The following LMBRD2 variants were observed in gnomAD, a reference collection of about 807,000 sequenced individuals.
The protein encoded by LMBRD2 is G protein-coupled receptor-associated protein LMBRD2.
A neutral mutation model predicts 94.4 loss-of-function variants in LMBRD2; 55 were observed. The observed-to-expected ratio is 0.58, with a 90% CI of 0.47 to 0.73. The LOEUF (loss-of-function observed/expected upper bound fraction) is 0.73, where lower values mean the gene tolerates loss of function less well. LMBRD2 is among the 30% of genes least tolerant of loss of function. The pLI is 0.00. For synonymous variants in LMBRD2, 246 were observed against 272.4 expected (o/e 0.90, Z 0.95); for missense variants, 640 against 831.9 (o/e 0.77, Z 2.84).
Position 36,108,000 on chromosome 5 carries a change from T to C in LMBRD2, c.1897+534A>G, listed in dbSNP as rs952832259. The stretch of plus-strand genomic sequence containing the variant: ...CACCTCCTAAATAGCTTCTGCATCA[T>C]GTCAGTGTGGGGTCAGTGATACAAA... On this transcript the variant is annotated intron_variant, in intron 16 of 17. Transcript: ENST00000296603. Among the ~76,000 whole-genome samples, 3 of 152,284 alleles carry C rather than the reference T, an allele frequency of 2.0e-5. No homozygotes were observed. The East Asian group carries it at 5.8e-4, about 29-fold the overall frequency.
At chr5:36,108,686 C>T (rs1363896192) in intron 15 of LMBRD2, 47 bp from the exon 16 acceptor site, 5 of 860,822 alleles carry the variant, frequency 5.8e-6, no homozygotes, top group Non-Finnish European at 8.8e-6. Context: ...GAAAATAATT[C>T]ATTAATGTCA....
chr5:36,110,126 T>C (rs1743569867), intron 14 of LMBRD2, 135 bp from the exon 15 acceptor site: 1 of 660,516 alleles, frequency 1.5e-6, no homozygotes, highest in African/African-American at 1.8e-5. Flanking sequence ...AGGTTATTGC[T>C]GGAAGGAATT....
intron 3 of LMBRD2, among the ~76,000 whole-genome samples, chr5:36,141,929 A>G (rs1413289862): frequency 1.3e-5 from 2 of 152,232 alleles, no homozygotes; most frequent in Non-Finnish European, 2.9e-5. Flanking sequence ...AAAAATATGC[A>G]TAAAGAAGCA....
In LMBRD2 at chr5:36,126,480, T is replaced by C. The variant is rs868688548; in HGVS notation, c.748-2215A>G. Among the ~76,000 whole-genome samples, 6 of 152,190 alleles carry C rather than the reference T, an allele frequency of 3.9e-5. No homozygotes were observed. In the South Asian group the frequency reaches 1.2e-3, roughly 31 times the overall value. ...AACTTTGAGCTCTTTCATTACTGTG[T>C]CTTGTCAAATTCTTTTCTAAGCAGG... On this transcript the variant is annotated intron_variant, in intron 6 of 17. Coordinates refer to ENST00000296603, the MANE Select transcript of LMBRD2 (RefSeq NM_001007527.2).
intron 6 of LMBRD2, among the ~76,000 whole-genome samples, chr5:36,131,475 G>A (rs888180475): frequency 6.6e-6 from 1 of 152,036 alleles, no homozygotes; most frequent in African/African-American, 2.4e-5. Context: ...AGTACTGGAA[G>A]TCCTAGGTAA....
rs540480822 is a variant in LMBRD2, at chr5:36,149,134, C to A, written c.-58+2422G>T. On this transcript the variant is annotated intron_variant, in intron 1 of 17. Transcript: ENST00000296603. ...TACTTAGTTCCAAGCACCATTCATT[C>A]ATTTAGCAAATATTTACTGAACGCC... 1.1e-3 allele frequency among the ~76,000 whole-genome samples: 162 copies of A among 152,288 alleles called. 1 individual carries two copies. The highest frequency in any genetic ancestry group is 3.7e-3 in the African/African-American group (154 of 41,550).
chr5:36,117,397 T>C (rs1300059970), intron 10 of LMBRD2, among the ~76,000 whole-genome samples: 2 of 151,958 alleles, frequency 1.3e-5, no homozygotes, highest in African/African-American at 4.8e-5. Flanking sequence ...GGTGAGAGGA[T>C]TTCTTGAGCC....
At chr5:36,115,322 C>A (rs369430062) in intron 11 of LMBRD2, among the ~76,000 whole-genome samples, 12 of 152,168 alleles carry the variant, frequency 7.9e-5, no homozygotes, top group Admixed American at 1.3e-4. Flanking sequence ...TCAATGCCTA[C>A]GTGACTACAG....
In LMBRD2 at chr5:36,099,056, A is replaced by T. The variant is rs1743296880; in HGVS notation, c.*4990T>A. On this transcript the variant is annotated 3_prime_UTR_variant, in exon 18 of 18. Transcript: ENST00000296603. ...AAGTATTTTATTAATGCAATGCAGA[A>T]ATTAGGTTTTTGGTATATTAATAAT... 6.6e-6 allele frequency: 1 copy of T among 152,120 alleles called. No homozygotes were observed. 9.4% of individuals were successfully genotyped at this position (152,120 alleles called of 1,614,324 possible).
rs770391243 is a variant in LMBRD2 at position 36,124,225 on chromosome 5, G to C, written c.788C>G (p.Pro263Arg). 3.8e-6 allele frequency: 6 copies of C among 1,590,054 alleles called. No homozygotes were observed. The highest frequency in any genetic ancestry group is 5.2e-6 in the Non-Finnish European group (6 of 1,160,192). Residue 263 changes from proline to arginine, a missense_variant, in exon 7 of 18, where the codon CCA becomes CGA. This residue lies in a region of LMBRD2 where 457 missense variants were observed against 642.8 expected (regional missense o/e 0.71). Coordinates refer to ENST00000296603, the MANE Select transcript of LMBRD2 (RefSeq NM_001007527.2). ...TATTGTATCAACACATTTTCTCAAT[G>C]GGTGATTATACTTGATGCTTTCATT... ...KVNESIKYNH[P>R]LRKCVDTILK...
intron 11 of LMBRD2, among the ~76,000 whole-genome samples, chr5:36,115,365 T>C (rs1743715398): frequency 6.6e-6 from 1 of 152,172 alleles, no homozygotes; most frequent in Non-Finnish European, 1.5e-5. Context: ...GTTTCTGCCA[T>C]TGCTTTATCC....
chr5:36,138,216 A>G (rs1243603207), intron 4 of LMBRD2, among the ~76,000 whole-genome samples: 1 of 152,206 alleles, frequency 6.6e-6, no homozygotes, highest in African/African-American at 2.4e-5. Context: ...AAGAACCTGT[A>G]TGTATAAGTG....
At chr5:36,126,537 G>C (rs1744011498) in intron 6 of LMBRD2, among the ~76,000 whole-genome samples, 2 of 152,154 alleles carry the variant, frequency 1.3e-5, no homozygotes. Flanking sequence ...AGGCTAACAG[G>C]CAGTTTTCAG....
At chr5:36,120,057 CTCTT>C (rs140493256) in intron 9 of LMBRD2, among the ~76,000 whole-genome samples, 2,885 of 151,184 alleles carry the variant, frequency 0.019, 94 homozygotes, top group East Asian at 0.12. Flanking sequence ...ATCTCTCTCT[CTCTT>C]TATTTCTTTT....
intron 9 of LMBRD2, among the ~76,000 whole-genome samples, chr5:36,120,154 G>A (rs1169383022): frequency 1.3e-5 from 2 of 151,466 alleles, no homozygotes; most frequent in East Asian, 3.9e-4. Flanking sequence ...TGCCTCCCGG[G>A]TTCAAGCGAT....
rs2111861050 is a variant in LMBRD2 at position 36,116,607 on chromosome 5, A to G, written c.1303-14T>C. 1.9e-6 allele frequency: 3 copies of G among 1,608,988 alleles called. No homozygotes were observed. The East Asian group carries it at 6.7e-5, about 36-fold the overall frequency. On this transcript the variant is annotated splice_polypyrimidine_tract_variant and intron_variant, in intron 10 of 17. Coordinates refer to ENST00000296603, the MANE Select transcript of LMBRD2 (RefSeq NM_001007527.2). ...GAAGCAGGCAATCTGGAAAAAAACA[A>G]AAACAAAGCAGTTTGTTTAAAACAA...
At chr5:36,108,292 G>A (rs1312065055) in intron 16 of LMBRD2, among the ~76,000 whole-genome samples, 2 of 151,868 alleles carry the variant, frequency 1.3e-5, no homozygotes, top group Non-Finnish European at 2.9e-5. Context: ...CATTATTTAG[G>A]GTTAGTATAC....
rs772978233 is a variant in LMBRD2, at chr5:36,108,654, CA to C, written c.1792-16del. 1.6e-6 allele frequency: 2 copies of C among 1,245,924 alleles called. No individual in the cohort carries two copies. The highest frequency in any genetic ancestry group is 2.3e-6 in the Non-Finnish European group (2 of 878,282). 77.2% of individuals were successfully genotyped at this position (1,245,924 alleles called of 1,614,324 possible). On this transcript the variant is annotated splice_polypyrimidine_tract_variant and intron_variant, in intron 15 of 17. Coordinates refer to ENST00000296603, the MANE Select transcript of LMBRD2 (RefSeq NM_001007527.2). ...TCTTTCCATTCCTAGAAAAGAAGCA[CA>C]AATAATCATATAATAGAACAGAAAA... is the stretch of plus-strand genomic sequence containing the variant.
At chr5:36,143,955 C>T (rs556204909) in intron 1 of LMBRD2, among the ~76,000 whole-genome samples, 39 of 151,982 alleles carry the variant, frequency 2.6e-4, no homozygotes, top group Non-Finnish European at 4.3e-4. Context: ...CACCTAACAA[C>T]TCAACTTTCA....
Sources: allele counts gnomAD v4.1 joint callset (sites outside exome capture counted in the v4.1 genomes callset), GRCh38; gene constraint gnomAD v4.1.1; regional missense constraint gnomAD v4.1.1; transcripts MANE v1.5; gene names NCBI Gene and HGNC (gene_info 2026-07-23, HGNC 2026-07-21).